Variants in ERO1A observed in about 807,000 individuals in gnomAD.
ERO1A encodes ERO1-like protein alpha.
In ERO1A, 49 loss-of-function variants were observed where a neutral mutation model predicts 76.9. The observed-to-expected ratio is 0.64, with a 90% CI of 0.51 to 0.81. ERO1A has a LOEUF of 0.81. Ranked by LOEUF, ERO1A falls within the 30% of genes least tolerant of loss-of-function variation. The pLI, the probability that ERO1A is intolerant of heterozygous loss-of-function variation, is 0.00. For synonymous variants in ERO1A, 174 were observed against 181.2 expected, an observed-to-expected ratio of 0.96 and a Z score of 0.32; for missense variants, 448 against 542.1, an observed-to-expected ratio of 0.83 and a Z score of 1.72.
At chr14:52,664,989 G>A (rs2139689130) in intron 7 of ERO1A, among the ~76,000 whole-genome samples, 1 of 152,100 alleles carries the variant, frequency 6.6e-6, no homozygotes, top group Admixed American at 6.5e-5. Flanking sequence ...AACAGGGCCG[G>A]GCGTGGTGGC....
intron 4 of ERO1A, among the ~76,000 whole-genome samples, chr14:52,677,551 T>G (rs1167020550): frequency 6.6e-6 from 1 of 151,896 alleles, no homozygotes; most frequent in African/African-American, 2.4e-5. Context: ...CTAGAACAGG[T>G]AAAGGATATT....
chr14:52,687,169 T>C (rs1049535655), intron 1 of ERO1A, among the ~76,000 whole-genome samples: 11 of 152,208 alleles, frequency 7.2e-5, no homozygotes, highest in African/African-American at 2.4e-4. Flanking sequence ...GGCTCATGCC[T>C]GTAATCAGCA....
intron 6 of ERO1A, among the ~76,000 whole-genome samples, 159 bp from the exon 7 acceptor site, chr14:52,666,654 GGT>G: frequency 6.6e-6 from 1 of 152,324 alleles, no homozygotes; most frequent in African/African-American, 2.4e-5. Flanking sequence ...AAGGAGGCCG[GGT>G]GTGGTGCCTC....
rs1282480040 is a variant in ERO1A, at chr14:52,657,985, A to C, written c.740T>G (p.Phe247Cys). 2 of 1,611,688 alleles carry C rather than the reference A, an allele frequency of 1.2e-6. No individual in the cohort carries two copies. Among genetic ancestry groups the C allele is most frequent in the African/African-American group, 2.7e-5 (2 of 74,842 alleles). The change falls in exon 11 of 16, where the codon TTC (phenylalanine) becomes TGC (cysteine). Residue 247 changes from phenylalanine to cysteine, a missense_variant. Phe to Cys is a radical substitution (Grantham distance 205). This residue lies in a region of ERO1A where 302 missense variants were observed against 411.9 expected (regional missense o/e 0.73). Coordinates refer to ENST00000395686, the MANE Select transcript of ERO1A (RefSeq NM_014584.3). The stretch of plus-strand genomic sequence containing the variant: ...ATGTAGGCCAGATATAAGTCTGTAG[A>C]ATGCTCTTTTTTCTACACAGAGACC... ...LEGLCVEKRA[F>C]YRLISGLHAS...
intron 2 of ERO1A, 96 bp downstream of exon 2, chr14:52,683,692 T>C: frequency 1.8e-6 from 1 of 566,612 alleles, no homozygotes; most frequent in Non-Finnish European, 2.9e-6. Context: ...ATATCAATTT[T>C]AAATAACAAC....
chr14:52,646,276 C>T lies in ERO1A; in HGVS notation c.1224G>A (p.Leu408=). Residue 408 remains leucine (L), a synonymous_variant, in exon 15 of 16, where the codon TTG becomes TTA. Transcript: ENST00000395686. The stretch of plus-strand genomic sequence containing the variant: ...AAAATAAGATCTTCAGAGCAGTGCC[C>T]AAACCCTGAGTCTGTAATAGAAATA... The part of the protein sequence containing the change: ...RLWGKLQTQG[L]GTALKILFSE... 2 of 1,611,090 alleles carry T rather than the reference C, an allele frequency of 1.2e-6. No homozygotes were observed. The highest frequency in any genetic ancestry group is 1.7e-6 in the Non-Finnish European group (2 of 1,179,228).
chr14:52,691,513 T>G (rs1212266915), intron 1 of ERO1A, among the ~76,000 whole-genome samples: 1 of 152,226 alleles, frequency 6.6e-6, no homozygotes, highest in Non-Finnish European at 1.5e-5. Context: ...GTTATAATCC[T>G]GGGCTTATTT....
Position 52,646,410 on chromosome 14 carries a change from C to T in ERO1A, c.1177G>A (p.Gly393Ser). 6.2e-7 allele frequency: 1 copy of T among 1,613,190 alleles called. No individual in the cohort carries two copies. The highest frequency in any genetic ancestry group is 8.5e-7 in the Non-Finnish European group (1 of 1,179,740). ...CCCCACAGACGACATTTAAAACAAC[C>T]AACACAATCCATAATTCTTGAAATA... is the stretch of plus-strand genomic sequence containing the variant. ...RNISRIMDCVGCFKCRLWGKL... is the reference protein window; with the variant it reads ...RNISRIMDCVSCFKCRLWGKL... Residue 393 changes from glycine to serine, a missense_variant, in exon 14 of 16, where the codon GGT becomes AGT. Gly to Ser is a moderately conservative substitution (Grantham distance 56). This residue lies in a region of ERO1A where 302 missense variants were observed against 411.9 expected (regional missense o/e 0.73). Coordinates refer to ENST00000395686, the MANE Select transcript of ERO1A (RefSeq NM_014584.3).
At chr14:52,674,213 G>T (rs527964538) in intron 4 of ERO1A, among the ~76,000 whole-genome samples, 1 of 151,978 alleles carries the variant, frequency 6.6e-6, no homozygotes, top group Non-Finnish European at 1.5e-5. Context: ...GAAATAAATC[G>T]AACAATTTTT....
intron 15 of ERO1A, among the ~76,000 whole-genome samples, chr14:52,644,290 T>A (rs965019498): frequency 2.0e-5 from 3 of 151,712 alleles, no homozygotes; most frequent in African/African-American, 7.3e-5. Flanking sequence ...CTTCTCTCTA[T>A]GAAAAACAAG....
intron 6 of ERO1A, among the ~76,000 whole-genome samples, chr14:52,670,062 ACAC>A (rs1461910665): frequency 1.3e-5 from 2 of 152,100 alleles, no homozygotes; most frequent in Non-Finnish European, 2.9e-5. Context: ...CTACTGGCAC[ACAC>A]CACCAGGCCT....
chr14:52,660,249 A>T (rs570784930), intron 9 of ERO1A, among the ~76,000 whole-genome samples: 35 of 152,372 alleles, frequency 2.3e-4, no homozygotes, highest in Non-Finnish European at 4.3e-4. Flanking sequence ...ATATTTGGCC[A>T]AAATCAATAC....
rs114800250 is a variant in ERO1A at position 52,660,455 on chromosome 14, A to C, written c.688+838T>G. 2.6e-3 allele frequency among the ~76,000 whole-genome samples: 389 copies of C among 152,360 alleles called. 2 individuals are homozygous for C. Among genetic ancestry groups the C allele is most frequent in the African/African-American group, 9.0e-3 (374 of 41,582 alleles). On this transcript the variant is annotated intron_variant, in intron 9 of 15. Transcript: ENST00000395686. ...TGAAAATCATAGAATCACATGTACC[A>C]GTAGCAAATATGAGGCATCTTTGGA...
intron 1 of ERO1A, among the ~76,000 whole-genome samples, chr14:52,694,182 C>T (rs2041463036): frequency 6.6e-6 from 1 of 151,944 alleles, no homozygotes; most frequent in Non-Finnish European, 1.5e-5. Flanking sequence ...TGTTTAATCT[C>T]GGTGTTGCGT....
intron 15 of ERO1A, among the ~76,000 whole-genome samples, chr14:52,645,850 ACACAC>A (rs2139619800): frequency 1.4e-3 from 1 of 734 alleles, no homozygotes; most frequent in East Asian, 0.5. Flanking sequence ...CTAAAAATAC[ACACAC>A]ACACACACAC....
In ERO1A at chr14:52,678,781, G is replaced by A. The variant is rs578240390; in HGVS notation, c.319-309C>T. On this transcript the variant is annotated intron_variant, in intron 3 of 15. Coordinates refer to ENST00000395686, the MANE Select transcript of ERO1A (RefSeq NM_014584.3). Reference sequence around the variant, plus strand: ...GCCACTAGGAGATCCACTGAGTGCTGACTTGATATTGACACCTGTGTCCTT... The same window carrying A: ...GCCACTAGGAGATCCACTGAGTGCTAACTTGATATTGACACCTGTGTCCTT... 2.0e-4 allele frequency among the ~76,000 whole-genome samples: 31 copies of A among 152,284 alleles called. No individual in the cohort carries two copies. In the South Asian group the frequency reaches 6.4e-3, roughly 32 times the overall value.
chr14:52,685,858 A>G (rs1364912926), intron 1 of ERO1A, among the ~76,000 whole-genome samples: 1 of 152,110 alleles, frequency 6.6e-6, no homozygotes, highest in African/African-American at 2.4e-5. Flanking sequence ...GAATTTATCT[A>G]TTTTACCCCT....
intron 7 of ERO1A, among the ~76,000 whole-genome samples, chr14:52,665,280 G>A (rs147596696): frequency 1.5e-3 from 194 of 128,706 alleles, no homozygotes; most frequent in African/African-American, 5.0e-3. Context: ...CTGGGCAACA[G>A]AGTGAGACTT....
chr14:52,643,682 G>A, intron 15 of ERO1A, 52 bp from the exon 16 acceptor site: 1 of 967,264 alleles, frequency 1.0e-6, no homozygotes. Flanking sequence ...AATTTTATCT[G>A]TAAAAGTTAT....
Sources: allele counts gnomAD v4.1 joint callset (sites outside exome capture counted in the v4.1 genomes callset), GRCh38; gene constraint gnomAD v4.1.1; regional missense constraint gnomAD v4.1.1; transcripts MANE v1.5; gene names NCBI Gene and HGNC (gene_info 2026-07-23, HGNC 2026-07-21).